LEPR: variants seen among roughly 807,000 people sequenced by gnomAD.
LEPR encodes the protein OB receptor.
A neutral mutation model predicts 114.7 loss-of-function variants in LEPR; 56 were observed. That is an observed-to-expected ratio of 0.49 (90% CI 0.39 to 0.61). The LOEUF is 0.61. LEPR is among the 20% of genes least tolerant of loss of function. LEPR has a pLI of 0.00. For synonymous variants in LEPR, 443 were observed against 461.4 expected (o/e 0.96, Z 0.51); for missense variants, 1,202 against 1,352.9 (o/e 0.89, Z 1.75).
In LEPR at chr1:65,565,636, GC is replaced by G. The variant is rs752602285; in HGVS notation, c.40+34del. On this transcript the variant is annotated intron_variant, in intron 3 of 19. Coordinates refer to ENST00000349533, the MANE Select transcript of LEPR (RefSeq NM_002303.6). Reference sequence around the variant, plus strand: ...TTATTTGCTCATTTGCTGTTTTAATGCCCTTAAACATGGTAGAGATTTTGCC... The same window carrying G: ...TTATTTGCTCATTTGCTGTTTTAATGCCTTAAACATGGTAGAGATTTTGCC... The G allele has an allele frequency of 3.1e-6, 5 of 1,612,822 alleles. No individual in the cohort carries two copies. In the South Asian group the frequency reaches 3.3e-5, roughly 11 times the overall value.
rs189313856 is a variant in LEPR, at chr1:65,452,545, A to T, written c.-21+27167A>T. On this transcript the variant is annotated intron_variant, in intron 2 of 19. Transcript: ENST00000349533. ...GCATCTATTGAGATAATCATGTGGTATTTGTCTTTGGTTCTATTTATATGC... is the reference window on the plus strand; with the variant it reads ...GCATCTATTGAGATAATCATGTGGTTTTTGTCTTTGGTTCTATTTATATGC... 4.4e-3 allele frequency among the ~76,000 whole-genome samples: 662 copies of T among 151,988 alleles called. 7 individuals carry two copies. Among genetic ancestry groups the T allele is most frequent in the African/African-American group, 0.015 (637 of 41,338 alleles).
rs568621097 is a variant in LEPR, at chr1:65,452,763, G to A, written c.-21+27385G>A. Among the ~76,000 whole-genome samples the A allele has an allele frequency of 3.9e-5, 6 of 152,036 alleles. No homozygotes were observed. The South Asian group carries it at 6.3e-4, about 16-fold the overall frequency. On this transcript the variant is annotated intron_variant, in intron 2 of 19. Coordinates refer to ENST00000349533, the MANE Select transcript of LEPR (RefSeq NM_002303.6). ...CTCTTTTTTTGTTGTGTCTCTGCCC[G>A]GCTTTGGTATCAGGATGATGCTGGC... is the stretch of plus-strand genomic sequence containing the variant.
chr1:65,469,321 A>T (rs1647054339), intron 2 of LEPR, among the ~76,000 whole-genome samples: 1 of 152,172 alleles, frequency 6.6e-6, no homozygotes, highest in Admixed American at 6.5e-5. Flanking sequence ...GACAATGTGG[A>T]GAACAAAGAG....
chr1:65,621,947 G>C (rs1657911102), intron 18 of LEPR, among the ~76,000 whole-genome samples: 1 of 152,008 alleles, frequency 6.6e-6, no homozygotes, highest in Non-Finnish European at 1.5e-5. Context: ...GCATGTGCCT[G>C]GTCAGGGAGG....
At chr1:65,443,658 GTCT>G (rs1335356861) in intron 2 of LEPR, among the ~76,000 whole-genome samples, 4 of 152,058 alleles carry the variant, frequency 2.6e-5, no homozygotes, top group South Asian at 2.1e-4. Context: ...CCACATCTCG[GTCT>G]TCTTTTGGAA....
chr1:65,615,193 C>T (rs139946417), intron 14 of LEPR, among the ~76,000 whole-genome samples: 11 of 152,178 alleles, frequency 7.2e-5, no homozygotes, highest in African/African-American at 2.2e-4. Context: ...GGCATCTCAC[C>T]GGCAAGAAAT....
At chr1:65,625,721 A>G (rs755531057) in intron 19 of LEPR, among the ~76,000 whole-genome samples, 45 of 152,132 alleles carry the variant, frequency 3.0e-4, no homozygotes, top group African/African-American at 1.0e-3. Context: ...ACAATCATTA[A>G]CTAGGTTTTG....
At position 65,570,871 on chromosome 1, in the gene LEPR, G is replaced by C. The variant is rs565627957; in HGVS notation, c.370+69G>C. The stretch of plus-strand genomic sequence containing the variant: ...AATTCTTTGATACCTGTATGAAATA[G>C]ATGTCTTATGGCTATGATTTTAACA... On this transcript the variant is annotated intron_variant, in intron 4 of 19. Coordinates refer to ENST00000349533, the MANE Select transcript of LEPR (RefSeq NM_002303.6). 15 of 1,292,562 alleles carry C rather than the reference G, an allele frequency of 1.2e-5. No individual in the cohort carries two copies. The African/African-American group carries it at 1.8e-4, about 15-fold the overall frequency. The allele number at this position is 1,292,562 out of a possible 1,614,324, so 80.1% of individuals were successfully genotyped here. A position where few individuals can be genotyped will look rare whatever the true frequency, so the allele number is the denominator to read the frequency against.
chr1:65,442,655 T>C (rs1646664180), intron 2 of LEPR, among the ~76,000 whole-genome samples: 1 of 152,186 alleles, frequency 6.6e-6, no homozygotes, highest in Admixed American at 6.5e-5. Flanking sequence ...TACACAGCAG[T>C]TTTAAGTTTG....
At chr1:65,524,991 A>T (rs533094413) in intron 2 of LEPR, among the ~76,000 whole-genome samples, 16 of 152,280 alleles carry the variant, frequency 1.1e-4, no homozygotes, top group African/African-American at 3.8e-4. Context: ...TTCAAAAAAA[A>T]TTTTGCTACG....
intron 2 of LEPR, among the ~76,000 whole-genome samples, chr1:65,452,204 T>C (rs1646795724): frequency 6.6e-6 from 1 of 152,206 alleles, no homozygotes; most frequent in Admixed American, 6.5e-5. Flanking sequence ...TTTCTAGATA[T>C]ACAATCCTGT....
intron 7 of LEPR, among the ~76,000 whole-genome samples, chr1:65,597,163 T>C (rs1345204773): frequency 6.6e-6 from 1 of 152,068 alleles, no homozygotes; most frequent in East Asian, 1.9e-4. Flanking sequence ...TACCATGATG[T>C]TTTTGCTTAG....
intron 14 of LEPR, 115 bp from the exon 15 acceptor site, chr1:65,615,893 G>A: frequency 7.3e-7 from 1 of 1,362,238 alleles, no homozygotes; most frequent in Non-Finnish European, 1.0e-6. Flanking sequence ...AATAGTACCT[G>A]CCCTGATCTG....
intron 2 of LEPR, among the ~76,000 whole-genome samples, chr1:65,527,311 G>A (rs1650040435): frequency 6.6e-6 from 1 of 152,182 alleles, no homozygotes; most frequent in African/African-American, 2.4e-5. Context: ...GCAGTTAGTT[G>A]CCTTGGAATG....
chr1:65,421,208 G>A, intron 1 of LEPR: 4 of 1,066,084 alleles, frequency 3.8e-6, no homozygotes, highest in Non-Finnish European at 5.2e-6. Flanking sequence ...GGGCAGAGTT[G>A]ACCGCGGGCG....
In LEPR at chr1:65,592,651, A is replaced by G. The variant is rs1655785730; in HGVS notation, c.495-6A>G. The G allele has an allele frequency of 1.2e-6, 2 of 1,612,682 alleles. No individual in the cohort carries two copies. Among genetic ancestry groups the G allele is most frequent in the Non-Finnish European group, 8.5e-7 (1 of 1,179,114 alleles). Reference sequence around the variant, plus strand: ...TTTAATATTTAGCTCTTATTTTTCAATATAGGCCTGAAGTGTTAGAAGATT... The same window carrying G: ...TTTAATATTTAGCTCTTATTTTTCAGTATAGGCCTGAAGTGTTAGAAGATT... On this transcript the variant is annotated splice_polypyrimidine_tract_variant and splice_region_variant and intron_variant, in intron 5 of 19. Coordinates refer to ENST00000349533, the MANE Select transcript of LEPR (RefSeq NM_002303.6).
intron 2 of LEPR, among the ~76,000 whole-genome samples, chr1:65,460,766 C>T (rs957404080): frequency 2.0e-5 from 3 of 151,646 alleles, no homozygotes; most frequent in Admixed American, 6.6e-5. Flanking sequence ...CGCTTTCACC[C>T]GGGAGACTGA....
intron 2 of LEPR, among the ~76,000 whole-genome samples, chr1:65,467,122 G>T (rs897633005): frequency 1.3e-5 from 2 of 152,022 alleles, no homozygotes; most frequent in African/African-American, 4.8e-5. Context: ...CTATTTTTTG[G>T]AATTTTCAGC....
chr1:65,625,522 A>C (rs950083420), intron 19 of LEPR, among the ~76,000 whole-genome samples: 2 of 152,124 alleles, frequency 1.3e-5, no homozygotes, highest in African/African-American at 2.4e-5. Flanking sequence ...GGGGCACATG[A>C]GAAATTTTGT....
Sources: gnomAD v4.1 joint callset for allele counts (sites outside exome capture counted in the v4.1 genomes callset) on GRCh38, gnomAD v4.1.1 for gene constraint, MANE v1.5 for transcripts, NCBI Gene and HGNC (gene_info 2026-07-23, HGNC 2026-07-21) for gene names.